PCP2: variants seen among roughly 807,000 people sequenced by gnomAD.
PCP2 encodes Purkinje cell protein 2, also known as Purkinje cell protein 2 homolog.
A neutral mutation model predicts 18.3 loss-of-function variants in PCP2; 21 were observed. The ratio of observed to expected loss-of-function variants is 1.14; its 90% CI spans 0.81 to 1.65. The LOEUF is 1.65. Among genes scored for constraint, PCP2 ranks in the 40% most tolerant of loss-of-function variants. The pLI is 0.00. For synonymous variants in PCP2, 85 were observed against 77.6 expected (o/e 1.10, Z -0.50); for missense variants, 202 against 201.8 (o/e 1.00, Z 0.00).
At chr19:7,633,038 C>G in intron 1 of PCP2, 1 of 1,422,232 alleles carries the variant, frequency 7.0e-7, no homozygotes, top group Non-Finnish European at 9.2e-7. Flanking sequence ...CCCAGGGGCC[C>G]TGGCCAGCAG....
chr19:7,636,967 T>C (rs2031558542), upstream of PCP2: 2 of 503,152 alleles, frequency 4.0e-6, no homozygotes, highest in South Asian at 1.0e-4. Flanking sequence ...CGGACGCACC[T>C]GCCCGTCCTC....
Position 7,633,422 on chromosome 19 carries a change from T to G in PCP2, c.36A>C (p.Ser12=). 6.3e-7 allele frequency: 1 copy of G among 1,574,964 alleles called. No homozygotes were observed. Among genetic ancestry groups the G allele is most frequent in the Non-Finnish European group, 8.6e-7 (1 of 1,159,170 alleles). The change falls in exon 1 of 4, where the codon TCA becomes TCC. Residue 12 remains serine (S), a synonymous_variant. Transcript: ENST00000311069. ...MDQEEKTEEG[S]GPCAEAGSPD... ...GCCCTCTCACCTCGGCACAGGGGCC[T>G]GAGCCTTCCTCCGTCTTCTCCTCCT...
At chr19:7,633,347 T>C in intron 1 of PCP2, 60 bp downstream of exon 1, 3 of 1,336,560 alleles carry the variant, frequency 2.2e-6, no homozygotes, top group Non-Finnish European at 3.1e-6. Flanking sequence ...AAACTAGTCT[T>C]GTCAATCATG....
chr19:7,633,667 T>G lies in PCP2; in HGVS notation c.-210A>C. 1 of 578,990 alleles carries G rather than the reference T, an allele frequency of 1.7e-6. No homozygotes were observed. Among genetic ancestry groups the G allele is most frequent in the Non-Finnish European group, 3.0e-6 (1 of 329,512 alleles). 35.9% of individuals were successfully genotyped at this position (578,990 alleles called of 1,614,324 possible). The stretch of plus-strand genomic sequence containing the variant: ...ACGATGCTGGATCTGGCATGGTGGG[T>G]AGGGGGCAGGGCGACCTGAGCTTGG... On this transcript the variant is annotated 5_prime_UTR_variant, in exon 1 of 4. Coordinates refer to ENST00000311069, the MANE Select transcript of PCP2 (RefSeq NM_174895.3).
Position 7,632,340 on chromosome 19 carries a change from C to A in PCP2, c.291+53G>T. The A allele has an allele frequency of 1.2e-6, 2 of 1,605,218 alleles. No homozygotes were observed. The highest frequency in any genetic ancestry group is 1.7e-4 in the Middle Eastern group (1 of 6,032). On this transcript the variant is annotated intron_variant, in intron 3 of 3. Coordinates refer to ENST00000311069, the MANE Select transcript of PCP2 (RefSeq NM_174895.3). This position sits in a 1 kb window ranked among gnomAD's most constrained non-coding sequence, Gnocchi z 5.2. ...TCCTGGCTGGGGTGGAGGGCAGGAT[C>A]GGAGAGCACTGCCTGGCGGGTTTCT...
rs1172560992 is a variant in PCP2, at chr19:7,631,716, G to T, written c.384C>A (p.Ser128Arg). The change falls in exon 4 of 4, where the codon AGC becomes AGA. Residue 128 changes from serine (S) to arginine (R), a missense_variant. Transcript: ENST00000311069. ...PTALGFRRNS[S>R]PQPPTQAP ...AGGGGGCTTGTGTCGGGGGCTGGGG[G>T]CTGCTGTTCCGACGGAAGCCGAGAG... 1 of 1,450,632 alleles carries T rather than the reference G, an allele frequency of 6.9e-7. No individual in the cohort carries two copies. The allele number at this position is 1,450,632 out of a possible 1,614,324, so 89.9% of individuals were successfully genotyped here. A position where few individuals can be genotyped will look rare whatever the true frequency, so the allele number is the denominator to read the frequency against.
chr19:7,633,330 G>T, intron 1 of PCP2, 77 bp downstream of exon 1: 3 of 1,342,704 alleles, frequency 2.2e-6, no homozygotes, highest in Non-Finnish European at 3.1e-6. Context: ...TTAATTAGGT[G>T]CCCTACAAAC....
In PCP2 at chr19:7,633,516, G is replaced by C; in HGVS notation, c.-59C>G. On this transcript the variant is annotated 5_prime_UTR_variant, in exon 1 of 4. Coordinates refer to ENST00000311069, the MANE Select transcript of PCP2 (RefSeq NM_174895.3). Reference sequence around the variant, plus strand: ...CTGCCCCGGCCCAGTGCCAGAGAGGGCCTTTTAAACGTCCAGGACGTGGGG... The same window carrying C: ...CTGCCCCGGCCCAGTGCCAGAGAGGCCCTTTTAAACGTCCAGGACGTGGGG... 1 of 1,529,992 alleles carries C rather than the reference G, an allele frequency of 6.5e-7. No homozygotes were observed. Among genetic ancestry groups the C allele is most frequent in the Non-Finnish European group, 8.9e-7 (1 of 1,127,584 alleles). 94.8% of individuals were successfully genotyped at this position (1,529,992 alleles called of 1,614,324 possible).
upstream of PCP2, chr19:7,636,146 C>G (rs765599065): frequency 6.6e-6 from 1 of 152,202 alleles, no homozygotes; most frequent in Non-Finnish European, 1.5e-5. Flanking sequence ...CTCCCCCAGA[C>G]CTTCGGGTCT....
At chr19:7,635,340 T>TAA (rs767499012), upstream of PCP2, among the ~76,000 whole-genome samples, 1 of 152,230 alleles carries the variant, frequency 6.6e-6, no homozygotes, top group African/African-American at 2.4e-5. Context: ...GCCATTGACT[T>TAA]ACGCACCTTA....
upstream of PCP2, chr19:7,636,977 C>G: frequency 3.0e-6 from 2 of 666,120 alleles, no homozygotes; most frequent in Non-Finnish European, 2.1e-6. Context: ...TGCCCGTCCT[C>G]CCCGCCAGGG....
Position 7,632,598 on chromosome 19 carries a change from C to G in PCP2, c.167-81G>C. On this transcript the variant is annotated intron_variant, in intron 2 of 3. Transcript: ENST00000311069. The surrounding 1 kb of genome is among the most constrained non-coding windows in gnomAD (Gnocchi z 5.2). ...CTACCCCTTCACCCCCACACAGATGCTTCAGGGTGCACAACCACCTCCCAC... is the reference window on the plus strand; with the variant it reads ...CTACCCCTTCACCCCCACACAGATGGTTCAGGGTGCACAACCACCTCCCAC... 3.1e-6 allele frequency: 5 copies of G among 1,593,330 alleles called. No homozygotes were observed. The highest frequency in any genetic ancestry group is 4.3e-6 in the Non-Finnish European group (5 of 1,171,308).
chr19:7,632,690 G>C lies in PCP2; in HGVS notation c.166+26C>G, dbSNP rs2031372505. 1 of 1,549,660 alleles carries C rather than the reference G, an allele frequency of 6.5e-7. No individual in the cohort carries two copies. The highest frequency in any genetic ancestry group is 8.7e-7 in the Non-Finnish European group (1 of 1,152,662). On this transcript the variant is annotated intron_variant, in intron 2 of 3. Transcript: ENST00000311069. This position sits in a 1 kb window ranked among gnomAD's most constrained non-coding sequence, Gnocchi z 5.2. ...ACTCCCACCCCGTTCACGCCCCATG[G>C]ACAGCACCCCCGTGCCCATGCTCAC...
Position 7,632,679 on chromosome 19 carries a change from C to T in PCP2, c.166+37G>A. 1.3e-6 allele frequency: 2 copies of T among 1,549,880 alleles called. No homozygotes were observed. Among genetic ancestry groups the T allele is most frequent in the Non-Finnish European group, 1.7e-6 (2 of 1,152,662 alleles). The stretch of plus-strand genomic sequence containing the variant: ...ACTTGCCCTGCACTCCCACCCCGTT[C>T]ACGCCCCATGGACAGCACCCCCGTG... On this transcript the variant is annotated intron_variant, in intron 2 of 3. Coordinates refer to ENST00000311069, the MANE Select transcript of PCP2 (RefSeq NM_174895.3). This position sits in a 1 kb window ranked among gnomAD's most constrained non-coding sequence, Gnocchi z 5.2.
In PCP2 at chr19:7,632,563, G is replaced by T. The variant is rs752473935; in HGVS notation, c.167-46C>A. 6.2e-7 allele frequency: 1 copy of T among 1,605,532 alleles called. No homozygotes were observed. On this transcript the variant is annotated intron_variant, in intron 2 of 3. Coordinates refer to ENST00000311069, the MANE Select transcript of PCP2 (RefSeq NM_174895.3). This position sits in a 1 kb window ranked among gnomAD's most constrained non-coding sequence, Gnocchi z 5.2. ...TTGGGAGGACACAGCCGGAGTGGGG[G>T]CCCCCAACCCTACCCCTTCACCCCC...
chr19:7,633,707 A>T lies in PCP2; in HGVS notation c.-250T>A, dbSNP rs2031431344. 1.8e-6 allele frequency: 1 copy of T among 553,126 alleles called. No homozygotes were observed. The allele number at this position is 553,126 out of a possible 1,614,324, so 34.3% of individuals were successfully genotyped here. A position where few individuals can be genotyped will look rare whatever the true frequency, so the allele number is the denominator to read the frequency against. ...CCTGAGCTTGGACCTCGCTGTGCCC[A>T]GCAGCAATGACTGGACCCCAGGGAC... is the stretch of plus-strand genomic sequence containing the variant. On this transcript the variant is annotated 5_prime_UTR_variant, in exon 1 of 4. Transcript: ENST00000311069.
At position 7,633,387 on chromosome 19, in the gene PCP2, TG is replaced by T. The variant is rs71179124; in HGVS notation, c.51+19del. ...CTGAGACCTTGAGCTGGGGGTGGGG[TG>T]GGGGCAGGGCCCTCTCACCTCGGCA... is the stretch of plus-strand genomic sequence containing the variant. On this transcript the variant is annotated intron_variant, in intron 1 of 3. Coordinates refer to ENST00000311069, the MANE Select transcript of PCP2 (RefSeq NM_174895.3). The T allele has an allele frequency of 1.9e-6, 3 of 1,557,090 alleles. No homozygotes were observed. The highest frequency in any genetic ancestry group is 2.6e-6 in the Non-Finnish European group (3 of 1,147,492).
Position 7,633,545 on chromosome 19 carries a change from T to C in PCP2, c.-88A>G. ...TTTAAACGTCCAGGACGTGGGGGTG[T>C]GGATTCCCCCCATCCCCAAATCCCC... On this transcript the variant is annotated 5_prime_UTR_variant, in exon 1 of 4. Coordinates refer to ENST00000311069, the MANE Select transcript of PCP2 (RefSeq NM_174895.3). 1.5e-6 allele frequency: 2 copies of C among 1,307,792 alleles called. No individual in the cohort carries two copies. The highest frequency in any genetic ancestry group is 2.1e-6 in the Non-Finnish European group (2 of 930,780). 81.0% of individuals were successfully genotyped at this position (1,307,792 alleles called of 1,614,324 possible).
rs374588601 is a variant in PCP2 at position 7,632,920 on chromosome 19, G to A, written c.52-90C>T. 2.5e-5 allele frequency: 38 copies of A among 1,499,762 alleles called. No homozygotes were observed. The highest frequency in any genetic ancestry group is 2.9e-5 in the Non-Finnish European group (33 of 1,126,706). 92.9% of individuals were successfully genotyped at this position (1,499,762 alleles called of 1,614,324 possible). ...GCCAGCTTGCTCACACCCTGACCCC[G>A]GGGCCTGCCGTCCCCACTTCCTCAG... On this transcript the variant is annotated intron_variant, in intron 1 of 3. Transcript: ENST00000311069. The surrounding 1 kb of genome is among the most constrained non-coding windows in gnomAD (Gnocchi z 5.2).
Sources: allele counts gnomAD v4.1 joint callset (sites outside exome capture counted in the v4.1 genomes callset), GRCh38; gene constraint gnomAD v4.1.1; non-coding constraint Gnocchi (gnomAD v3.1); transcripts MANE v1.5; gene names NCBI Gene and HGNC (gene_info 2026-07-23, HGNC 2026-07-21).